Variants in NBEA observed in about 807,000 individuals in gnomAD.
NBEA encodes the protein neurobeachin, also known as lysosomal-trafficking regulator 2.
Under a neutral mutation model 343.4 loss-of-function variants are expected in NBEA, and 44 were observed. The observed-to-expected ratio is 0.13, with a 90% CI of 0.10 to 0.16. The LOEUF is 0.16. Ranked by LOEUF, NBEA falls within the 10% of genes least tolerant of loss-of-function variation. The pLI is 1.00. For missense variants in NBEA, 2,555 were observed against 3,631.3 expected (o/e 0.70, Z 7.62); for synonymous variants, 1,175 against 1,238.7 (o/e 0.95, Z 1.08).
rs114566828 is a variant in NBEA at position 35,666,179 on chromosome 13, A to G, written c.8464+993A>G. On this transcript the variant is annotated intron_variant, in intron 56 of 58. Coordinates refer to ENST00000379939, the MANE Select transcript of NBEA (RefSeq NM_001385012.1). Reference sequence around the variant, plus strand: ...TTGCAATTTTTTTTTAAATGAGTATAGTAGGAAACTATTGAAGTTTTTTAA... The same window carrying G: ...TTGCAATTTTTTTTTAAATGAGTATGGTAGGAAACTATTGAAGTTTTTTAA... Among the ~76,000 whole-genome samples, 913 of 152,012 alleles carry G rather than the reference A, an allele frequency of 6.0e-3. 9 individuals are homozygous for G. The highest frequency in any genetic ancestry group is 0.021 in the African/African-American group (872 of 41,440).
At chr13:35,073,389 A>T (rs986070970) in intron 10 of NBEA, among the ~76,000 whole-genome samples, 1 of 152,164 alleles carries the variant, frequency 6.6e-6, no homozygotes, top group African/African-American at 2.4e-5. Context: ...TTGCATGGTA[A>T]ATAGATGACT....
chr13:35,514,332 A>G (rs1337298491), intron 41 of NBEA, among the ~76,000 whole-genome samples: 5 of 152,212 alleles, frequency 3.3e-5, no homozygotes, highest in Admixed American at 3.3e-4. Flanking sequence ...AACAGAACCC[A>G]GTCAGCAGGT....
intron 34 of NBEA, among the ~76,000 whole-genome samples, chr13:35,254,382 G>A (rs1411299223): frequency 7.0e-6 from 1 of 142,746 alleles, no homozygotes; most frequent in Non-Finnish European, 1.5e-5. Context: ...GGAGTGCAGT[G>A]GCATGATCAC....
At chr13:34,976,110 A>G (rs1440117182) in intron 1 of NBEA, among the ~76,000 whole-genome samples, 1 of 152,244 alleles carries the variant, frequency 6.6e-6, no homozygotes, top group Non-Finnish European at 1.5e-5. Context: ...TATATGAAAA[A>G]GATACTTGCA....
chr13:35,426,874 G>C (rs538024605), intron 38 of NBEA, among the ~76,000 whole-genome samples: 1 of 151,748 alleles, frequency 6.6e-6, no homozygotes, highest in African/African-American at 2.4e-5. Context: ...TAAACTTCTC[G>C]CTTCATTTCA....
At chr13:35,475,658 TCA>T in intron 41 of NBEA, 1 of 1,613,868 alleles carries the variant, frequency 6.2e-7, no homozygotes, top group Non-Finnish European at 8.5e-7. Context: ...TCTCGGATTC[TCA>T]GTTTCACTTC....
chr13:35,648,497 A>G (rs1438982825), intron 51 of NBEA, among the ~76,000 whole-genome samples: 1 of 152,148 alleles, frequency 6.6e-6, no homozygotes, highest in Non-Finnish European at 1.5e-5. Context: ...AATAATAATA[A>G]TAAAAATATT....
chr13:35,003,327 G>A (rs967942570), intron 1 of NBEA, among the ~76,000 whole-genome samples: 1 of 152,108 alleles, frequency 6.6e-6, no homozygotes, highest in African/African-American at 2.4e-5. Flanking sequence ...CCATGATCAT[G>A]CCACTGCACT....
intron 33 of NBEA, among the ~76,000 whole-genome samples, chr13:35,224,274 A>G (rs1475946611): frequency 2.6e-5 from 4 of 152,140 alleles, no homozygotes; most frequent in Non-Finnish European, 4.4e-5. Flanking sequence ...GCCATGTAAT[A>G]TAGTTTATTC....
At chr13:35,323,853 A>C (rs935719130) in intron 36 of NBEA, among the ~76,000 whole-genome samples, 1 of 152,196 alleles carries the variant, frequency 6.6e-6, no homozygotes, top group Non-Finnish European at 1.5e-5. Context: ...AATCAATGAG[A>C]AAGTTACCTA....
At chr13:35,624,203 A>G (rs969656252) in intron 48 of NBEA, among the ~76,000 whole-genome samples, 4 of 150,480 alleles carry the variant, frequency 2.7e-5, no homozygotes. Context: ...TAAGAAAACA[A>G]AAAGTTGTAG....
At chr13:35,183,556 G>A (rs1420663822) in intron 29 of NBEA, among the ~76,000 whole-genome samples, 1 of 151,912 alleles carries the variant, frequency 6.6e-6, no homozygotes, top group Non-Finnish European at 1.5e-5. Flanking sequence ...ACAAACATGA[G>A]AATATTTCAT....
chr13:35,129,870 A>G (rs1428224400), intron 17 of NBEA, among the ~76,000 whole-genome samples: 1 of 152,068 alleles, frequency 6.6e-6, no homozygotes, highest in African/African-American at 2.4e-5. Flanking sequence ...TTAGCCATAT[A>G]ATATTAAAAG....
chr13:35,497,858 A>T (rs1314618478), intron 41 of NBEA, among the ~76,000 whole-genome samples: 1 of 152,074 alleles, frequency 6.6e-6, no homozygotes, highest in Non-Finnish European at 1.5e-5. Context: ...TATTTAGAAT[A>T]AAAACCACTT....
At chr13:35,367,014 A>G (rs2041157024) in intron 38 of NBEA, among the ~76,000 whole-genome samples, 1 of 151,424 alleles carries the variant, frequency 6.6e-6, no homozygotes, top group East Asian at 1.9e-4. Context: ...GTGTAGTAAG[A>G]ATCTCTATTC....
At chr13:35,246,911 TG>T (rs2152783441) in intron 34 of NBEA, among the ~76,000 whole-genome samples, 1 of 152,054 alleles carries the variant, frequency 6.6e-6, no homozygotes, top group African/African-American at 2.4e-5. Context: ...GACCATCAGG[TG>T]GGGGCAGGGT....
Position 35,292,507 on chromosome 13 carries a change from G to C in NBEA, c.5838+2057G>C, listed in dbSNP as rs191354581. On this transcript the variant is annotated intron_variant, in intron 35 of 58. Transcript: ENST00000379939. ...TGTAGAATGAAGCACAGTCCCTGTA[G>C]AATTAGTACAGTTCTGTAGGCCGTC... Among the ~76,000 whole-genome samples, 729 of 152,114 alleles carry C rather than the reference G, an allele frequency of 4.8e-3. 20 individuals carry two copies. Among genetic ancestry groups the C allele is most frequent in the Admixed American group, 0.044 (669 of 15,228 alleles).
intron 9 of NBEA, among the ~76,000 whole-genome samples, 175 bp downstream of exon 9, chr13:35,070,280 TC>T (rs1292294507): frequency 2.0e-5 from 3 of 152,142 alleles, no homozygotes; most frequent in Non-Finnish European, 4.4e-5. Flanking sequence ...AGCAATATAC[TC>T]TACCCTGGCC....
At chr13:35,059,241 A>G (rs753591065) in intron 8 of NBEA, among the ~76,000 whole-genome samples, 1 of 151,974 alleles carries the variant, frequency 6.6e-6, no homozygotes. Context: ...TTAAAGATTT[A>G]GAAGGAAACT....
Sources: allele counts gnomAD v4.1 joint callset (sites outside exome capture counted in the v4.1 genomes callset), GRCh38; gene constraint gnomAD v4.1.1; transcripts MANE v1.5; gene names NCBI Gene and HGNC (gene_info 2026-07-23, HGNC 2026-07-21).